The following BNIP3L variants were observed in gnomAD, a reference collection of about 807,000 sequenced individuals.
The protein encoded by BNIP3L is BCL2/adenovirus E1B 19 kDa protein-interacting protein 3-like.
In BNIP3L, 10 loss-of-function variants were observed where a neutral mutation model predicts 25.5. That is an observed-to-expected ratio of 0.39 (90% CI 0.24 to 0.67). The LOEUF (loss-of-function observed/expected upper bound fraction) is 0.67, where lower values mean the gene tolerates loss of function less well. BNIP3L is among the 30% of genes least tolerant of loss of function. BNIP3L has a pLI of 0.45. For synonymous variants in BNIP3L, 113 were observed against 101.2 expected, an observed-to-expected ratio of 1.12 and a Z score of -0.70; for missense variants, 215 against 270.9, an observed-to-expected ratio of 0.79 and a Z score of 1.45.
chr8:26,398,767 C>CAAAAT (rs200565361), intron 3 of BNIP3L, among the ~76,000 whole-genome samples: 97,890 of 150,506 alleles, frequency 0.65, 32,285 homozygotes, highest in East Asian at 0.86. Context: ...ATCAAATAGA[C>CAAAAT]AAAAAATGAT....
At chr8:26,410,270 A>G in intron 5 of BNIP3L, 94 bp from the exon 6 acceptor site, 1 of 1,428,152 alleles carries the variant, frequency 7.0e-7, no homozygotes, top group Non-Finnish European at 9.8e-7. Context: ...GCCTTTTACA[A>G]AGACTGAAGA....
intron 3 of BNIP3L, among the ~76,000 whole-genome samples, chr8:26,407,762 A>G (rs1251714470): frequency 6.6e-6 from 1 of 152,232 alleles, no homozygotes; most frequent in Non-Finnish European, 1.5e-5. Context: ...AGTCTTATGC[A>G]GTTCCTGTGC....
intron 3 of BNIP3L, among the ~76,000 whole-genome samples, chr8:26,396,620 T>A (rs1250058084): frequency 6.6e-6 from 1 of 150,668 alleles, no homozygotes; most frequent in African/African-American, 2.5e-5. Flanking sequence ...CAAAGCTGGA[T>A]GGAGAATGAT....
At chr8:26,405,668 T>C (rs1371116093) in intron 3 of BNIP3L, among the ~76,000 whole-genome samples, 1 of 152,166 alleles carries the variant, frequency 6.6e-6, no homozygotes, top group Admixed American at 6.5e-5. Context: ...TTTGAGTGAA[T>C]CCTAGTCAAA....
intron 2 of BNIP3L, among the ~76,000 whole-genome samples, chr8:26,392,188 T>C (rs890075357): frequency 1.7e-4 from 25 of 151,348 alleles, no homozygotes; most frequent in African/African-American, 4.6e-4. Context: ...TTTTTTTTTT[T>C]CAGAAGGGCT....
intron 1 of BNIP3L, among the ~76,000 whole-genome samples, chr8:26,386,192 G>A (rs1013595338): frequency 1.3e-5 from 2 of 152,040 alleles, no homozygotes; most frequent in African/African-American, 2.4e-5. Flanking sequence ...TAACTTTACC[G>A]CTGTGGAGAG....
chr8:26,405,697 T>C (rs1205032266), intron 3 of BNIP3L, among the ~76,000 whole-genome samples: 2 of 152,172 alleles, frequency 1.3e-5, no homozygotes, highest in Non-Finnish European at 2.9e-5. Flanking sequence ...AATGTCAAAA[T>C]GCTTCTTAGT....
intron 2 of BNIP3L, 124 bp downstream of exon 2, chr8:26,391,550 G>A: frequency 1.3e-6 from 1 of 760,316 alleles, no homozygotes; most frequent in Non-Finnish European, 2.0e-6. Flanking sequence ...ATATATTGTA[G>A]TATAATATAT....
At chr8:26,386,640 A>G (rs1806000351) in intron 1 of BNIP3L, among the ~76,000 whole-genome samples, 1 of 152,080 alleles carries the variant, frequency 6.6e-6, no homozygotes, top group Non-Finnish European at 1.5e-5. Flanking sequence ...TCACTTTGTC[A>G]CCCAGGCTGG....
rs1349586845 is a variant in BNIP3L at position 26,411,118 on chromosome 8, G to C, written c.*706G>C. On this transcript the variant is annotated 3_prime_UTR_variant, in exon 6 of 6. Coordinates refer to ENST00000380629, the MANE Select transcript of BNIP3L (RefSeq NM_004331.3). Reference sequence around the variant, plus strand: ...AATACATCAGCAGATTTTCATACTAGTATGTTGTAATGCTGTCTTTTCTAT... The same window carrying C: ...AATACATCAGCAGATTTTCATACTACTATGTTGTAATGCTGTCTTTTCTAT... The C allele has an allele frequency of 6.6e-6, 1 of 152,482 alleles. No individual in the cohort carries two copies. Among genetic ancestry groups the C allele is most frequent in the Non-Finnish European group, 1.5e-5 (1 of 68,038 alleles). The allele number at this position is 152,482 out of a possible 1,614,324, so 9.4% of individuals were successfully genotyped here.
At chr8:26,395,374 A>G in intron 3 of BNIP3L, 72 bp downstream of exon 3, 1 of 1,491,210 alleles carries the variant, frequency 6.7e-7, no homozygotes, top group Non-Finnish European at 9.2e-7. Flanking sequence ...TATTTTGCTA[A>G]AATAAATGTG....
chr8:26,394,180 C>T (rs1189042176), intron 2 of BNIP3L, among the ~76,000 whole-genome samples: 1 of 152,052 alleles, frequency 6.6e-6, no homozygotes, highest in Non-Finnish European at 1.5e-5. Flanking sequence ...TAACTTAGCA[C>T]ATTCTGTTCA....
At position 26,411,590 on chromosome 8, in the gene BNIP3L, A is replaced by C. The variant is rs1806625988; in HGVS notation, c.*1178A>C. 1 of 152,542 alleles carries C rather than the reference A, an allele frequency of 6.6e-6. No individual in the cohort carries two copies. Among genetic ancestry groups the C allele is most frequent in the African/African-American group, 2.4e-5 (1 of 41,442 alleles). 9.4% of individuals were successfully genotyped at this position (152,542 alleles called of 1,614,324 possible). On this transcript the variant is annotated 3_prime_UTR_variant, in exon 6 of 6. Transcript: ENST00000380629. ...ATTCCTGCGACTGCAGGCACTGGTC[A>C]TTTTCTCATGTAGCTGTCTTTTCAG...
At chr8:26,388,736 T>C (rs934454212) in intron 1 of BNIP3L, among the ~76,000 whole-genome samples, 3 of 152,000 alleles carry the variant, frequency 2.0e-5, no homozygotes, top group Non-Finnish European at 4.4e-5. Flanking sequence ...TTTGGGAGGC[T>C]GAGGTGGGAG....
chr8:26,406,504 G>A lies in BNIP3L; in HGVS notation c.358-1496G>A, dbSNP rs150585399. On this transcript the variant is annotated intron_variant, in intron 3 of 5. Coordinates refer to ENST00000380629, the MANE Select transcript of BNIP3L (RefSeq NM_004331.3). ...GGGATTTTAATAATTATTTTTATAG[G>A]GTTATTTGTTGCAAGGTGAAAGTTA... Among the ~76,000 whole-genome samples the A allele has an allele frequency of 1.8e-4, 27 of 152,112 alleles. No individual in the cohort carries two copies. The East Asian group carries it at 5.0e-3, about 28-fold the overall frequency.
At chr8:26,404,109 G>A (rs1585439108) in intron 3 of BNIP3L, among the ~76,000 whole-genome samples, 1 of 152,354 alleles carries the variant, frequency 6.6e-6, no homozygotes, top group Middle Eastern at 3.4e-3. Context: ...GCCTAAGGCA[G>A]TGTGCACTTA....
intron 4 of BNIP3L, 46 bp downstream of exon 4, chr8:26,408,149 C>T (rs1806541320): frequency 6.2e-6 from 10 of 1,611,418 alleles, no homozygotes; most frequent in African/African-American, 1.3e-5. Flanking sequence ...TTGATCTGCG[C>T]ACGCTTACAG....
intron 3 of BNIP3L, chr8:26,395,580 A>T (rs1360756040): frequency 1.8e-5 from 6 of 334,392 alleles, no homozygotes; most frequent in Admixed American, 4.6e-5. Flanking sequence ...AAGTAGAAAA[A>T]GACTGAGATA....
At chr8:26,409,081 T>G (rs1189232284) in intron 5 of BNIP3L, among the ~76,000 whole-genome samples, 1 of 152,106 alleles carries the variant, frequency 6.6e-6, no homozygotes, top group African/African-American at 2.4e-5. Context: ...ATGATTACAT[T>G]GAATAGTTTT....
Sources: allele counts gnomAD v4.1 joint callset (sites outside exome capture counted in the v4.1 genomes callset), GRCh38; gene constraint gnomAD v4.1.1; transcripts MANE v1.5; gene names NCBI Gene and HGNC (gene_info 2026-07-23, HGNC 2026-07-21).